Variants in BMPR1B observed in about 807,000 individuals in gnomAD.
BMPR1B encodes bone morphogenetic protein receptor type-1B.
A neutral mutation model predicts 59.1 loss-of-function variants in BMPR1B; 12 were observed. That is an observed-to-expected ratio of 0.20 (90% CI 0.13 to 0.33). BMPR1B has a LOEUF of 0.33. BMPR1B is among the 10% of genes least tolerant of loss of function. The pLI, the probability that BMPR1B is intolerant of heterozygous loss-of-function variation, is 1.00. For synonymous variants in BMPR1B, 237 were observed against 207.3 expected (o/e 1.14, Z -1.23); for missense variants, 550 against 610.9 (o/e 0.90, Z 1.05).
At chr4:94,869,092 TCAAACACACACACACA>T (rs1293376826) in intron 1 of BMPR1B, among the ~76,000 whole-genome samples, 1 of 100,222 alleles carries the variant, frequency 1.0e-5, no homozygotes, top group Non-Finnish European at 1.9e-5. Context: ...AATTTTACTA[TCAAACACACACACACA>T]CACACACACA....
At chr4:95,013,193 C>T (rs1723344511) in intron 3 of BMPR1B, among the ~76,000 whole-genome samples, 1 of 151,548 alleles carries the variant, frequency 6.6e-6, no homozygotes, top group Non-Finnish European at 1.5e-5. Flanking sequence ...AAAAGTCCCA[C>T]CAACAATGAC....
At chr4:94,856,139 A>G (rs1725746891) in intron 1 of BMPR1B, among the ~76,000 whole-genome samples, 2 of 152,204 alleles carry the variant, frequency 1.3e-5, no homozygotes, top group Non-Finnish European at 2.9e-5. Context: ...TGAAAAAGAA[A>G]ACCCAGCTAT....
At chr4:94,856,151 C>T (rs1725747346) in intron 1 of BMPR1B, among the ~76,000 whole-genome samples, 1 of 152,088 alleles carries the variant, frequency 6.6e-6, no homozygotes, top group African/African-American at 2.4e-5. Context: ...CCCAGCTATC[C>T]AAAGTAAGAA....
At position 94,981,281 on chromosome 4, in the gene BMPR1B, G is replaced by A. The variant is rs1184091895; in HGVS notation, c.-112-14759G>A. 3.3e-5 allele frequency among the ~76,000 whole-genome samples: 5 copies of A among 151,698 alleles called. No individual in the cohort carries two copies. In the South Asian group the frequency reaches 1.0e-3, roughly 32 times the overall value. On this transcript the variant is annotated intron_variant, in intron 2 of 12. Transcript: ENST00000515059. Reference sequence around the variant, plus strand: ...TGCAGTGGCGCAATCACTGCTCACTGCAGCCTTGAACTCCTGGGCTCAAGC... The same window carrying A: ...TGCAGTGGCGCAATCACTGCTCACTACAGCCTTGAACTCCTGGGCTCAAGC...
chr4:94,888,320 T>C (rs988026800), intron 2 of BMPR1B, among the ~76,000 whole-genome samples: 1 of 151,812 alleles, frequency 6.6e-6, no homozygotes, highest in Non-Finnish European at 1.5e-5. Flanking sequence ...TAAATAAATA[T>C]GCATTATAAG....
At chr4:95,127,936 G>A (rs1733022814) in intron 8 of BMPR1B, among the ~76,000 whole-genome samples, 1 of 151,402 alleles carries the variant, frequency 6.6e-6, no homozygotes, top group Non-Finnish European at 1.5e-5. Flanking sequence ...TTAGGCTGGA[G>A]TGTTGTGGTG....
At chr4:94,896,236 A>G (rs540257309) in intron 2 of BMPR1B, among the ~76,000 whole-genome samples, 1 of 152,128 alleles carries the variant, frequency 6.6e-6, no homozygotes, top group East Asian at 1.9e-4. Context: ...TAACTTCTCA[A>G]ATTAGTCATA....
intron 1 of BMPR1B, among the ~76,000 whole-genome samples, chr4:94,872,147 C>T (rs746938891): frequency 1.3e-5 from 2 of 152,250 alleles, no homozygotes; most frequent in African/African-American, 2.4e-5. Flanking sequence ...TTTCTCTTAC[C>T]GGCACCCTGG....
chr4:95,097,150 T>C (rs1412811299), intron 3 of BMPR1B, among the ~76,000 whole-genome samples: 3 of 148,140 alleles, frequency 2.0e-5, no homozygotes, highest in African/African-American at 7.4e-5. Context: ...CTAATATATA[T>C]GTAACTATAC....
chr4:94,933,909 G>A (rs892745343), intron 2 of BMPR1B, among the ~76,000 whole-genome samples: 5 of 152,104 alleles, frequency 3.3e-5, no homozygotes, highest in African/African-American at 1.2e-4. Context: ...TAAGAGAAAA[G>A]AAAATGCCTA....
chr4:94,766,697 A>G lies in BMPR1B; in HGVS notation c.-183+8629A>G, dbSNP rs149335779. On this transcript the variant is annotated intron_variant, in intron 1 of 12. Transcript: ENST00000515059. ...TTTATTATTATTATTATTTTTTACCACACAGAAGTAGCCACCATTAGCATT... is the reference window on the plus strand; with the variant it reads ...TTTATTATTATTATTATTTTTTACCGCACAGAAGTAGCCACCATTAGCATT... Among the ~76,000 whole-genome samples, 440 of 152,054 alleles carry G rather than the reference A, an allele frequency of 2.9e-3. 2 individuals are homozygous for G. The highest frequency in any genetic ancestry group is 4.5e-3 in the Admixed American group (68 of 15,248).
intron 3 of BMPR1B, among the ~76,000 whole-genome samples, chr4:95,005,677 C>G (rs1722770636): frequency 6.6e-6 from 1 of 152,064 alleles, no homozygotes; most frequent in African/African-American, 2.4e-5. Flanking sequence ...ATGTCAGTTG[C>G]ATCTCAGCAA....
rs138977640 is a variant in BMPR1B, at chr4:94,790,989, T to G, written c.-183+32921T>G. On this transcript the variant is annotated intron_variant, in intron 1 of 12. Transcript: ENST00000515059. ...ATTAACCTTACCAAGTAGGTCTTTTTGTTTGTTTGTTTTTCTGAGATGGAG... is the reference window on the plus strand; with the variant it reads ...ATTAACCTTACCAAGTAGGTCTTTTGGTTTGTTTGTTTTTCTGAGATGGAG... Among the ~76,000 whole-genome samples, 497 of 152,010 alleles carry G rather than the reference T, an allele frequency of 3.3e-3. 2 individuals are homozygous for G. Among genetic ancestry groups the G allele is most frequent in the African/African-American group, 0.011 (468 of 41,430 alleles).
intron 6 of BMPR1B, among the ~76,000 whole-genome samples, chr4:95,119,481 A>G (rs1224311582): frequency 6.6e-6 from 1 of 152,216 alleles, no homozygotes; most frequent in East Asian, 1.9e-4. Flanking sequence ...GAGCTTACAG[A>G]TTATTTTCAA....
intron 8 of BMPR1B, among the ~76,000 whole-genome samples, chr4:95,126,513 A>G (rs1732914871): frequency 6.6e-6 from 1 of 152,188 alleles, no homozygotes; most frequent in Admixed American, 6.5e-5. Flanking sequence ...ATAAGGTAGT[A>G]CCAGAAATAT....
rs771966033 is a variant in BMPR1B, at chr4:95,108,360, A to G, written c.143+3793A>G. Among the ~76,000 whole-genome samples the G allele has an allele frequency of 2.6e-4, 40 of 152,064 alleles. 1 individual carries two copies. The highest frequency in any genetic ancestry group is 4.4e-5 in the Non-Finnish European group (3 of 67,984). On this transcript the variant is annotated intron_variant, in intron 4 of 12. Transcript: ENST00000515059. ...TGTACCTTAGAAAAGGGCTGGTCTA[A>G]ATTGTCTGGCTTGAGGCCTTGTACC... is the stretch of plus-strand genomic sequence containing the variant.
At chr4:95,063,996 G>T (rs1365969446) in intron 3 of BMPR1B, among the ~76,000 whole-genome samples, 1 of 152,072 alleles carries the variant, frequency 6.6e-6, no homozygotes, top group Non-Finnish European at 1.5e-5. Flanking sequence ...CCAAGGTTTG[G>T]CAAGGATGTG....
At chr4:94,791,416 C>G (rs1435852153) in intron 1 of BMPR1B, among the ~76,000 whole-genome samples, 1 of 151,980 alleles carries the variant, frequency 6.6e-6, no homozygotes, top group East Asian at 1.9e-4. Flanking sequence ...TTTTAACTTT[C>G]TAGAAATAGC....
chr4:95,128,077 G>A (rs1733034384), intron 8 of BMPR1B, among the ~76,000 whole-genome samples: 1 of 151,972 alleles, frequency 6.6e-6, no homozygotes, highest in African/African-American at 2.4e-5. Flanking sequence ...GTAGAGCTGA[G>A]TTTTTGCCAT....
Sources: allele counts gnomAD v4.1 joint callset (sites outside exome capture counted in the v4.1 genomes callset), GRCh38; gene constraint gnomAD v4.1.1; transcripts MANE v1.5; gene names NCBI Gene and HGNC (gene_info 2026-07-23, HGNC 2026-07-21).